The following ITGA11 variants were observed in gnomAD, a reference collection of about 807,000 sequenced individuals.
ITGA11 encodes the protein integrin subunit alpha 11.
In ITGA11, 97 loss-of-function variants were observed where a neutral mutation model predicts 141.9. The ratio of observed to expected loss-of-function variants is 0.68; its 90% confidence interval spans 0.58 to 0.81. ITGA11 has a LOEUF of 0.81. Among genes scored for constraint, ITGA11 ranks in the 30% least tolerant of loss-of-function variants. The pLI is 0.00. For missense variants in ITGA11, 1,387 were observed against 1,559.2 expected (o/e 0.89, Z 1.86); for synonymous variants, 658 against 624.6 (o/e 1.05, Z -0.80).
chr15:68,419,495 G>T (rs185940419), intron 1 of ITGA11, among the ~76,000 whole-genome samples: 14 of 152,290 alleles, frequency 9.2e-5, no homozygotes, highest in Admixed American at 6.5e-4. Context: ...TGAGGCCCAG[G>T]ACCCCTCATG....
rs1474987804 is a variant in ITGA11, at chr15:68,321,705, C to T, written c.2323-202G>A. Among the ~76,000 whole-genome samples the T allele has an allele frequency of 1.3e-5, 2 of 152,158 alleles. No individual in the cohort carries two copies. Among genetic ancestry groups the T allele is most frequent in the Admixed American group, 6.5e-5 (1 of 15,278 alleles). ...ATGCTCAAAGCTCAGCTCCTCCTGG[C>T]TCCCCTCCAGTTCATAACTGAGCTG... On this transcript the variant is annotated intron_variant, in intron 18 of 29. Transcript: ENST00000315757. The surrounding 1 kb of genome is among the most constrained non-coding windows in gnomAD (Gnocchi z 4.9).
At chr15:68,360,770 T>C (rs1420159654) in intron 5 of ITGA11, among the ~76,000 whole-genome samples, 2 of 152,170 alleles carry the variant, frequency 1.3e-5, no homozygotes, top group Non-Finnish European at 2.9e-5. Context: ...TTTGTGTGAA[T>C]AGAATCCATG....
At chr15:68,346,302 CA>C (rs1894740994) in intron 10 of ITGA11, among the ~76,000 whole-genome samples, 1 of 152,152 alleles carries the variant, frequency 6.6e-6, no homozygotes, top group Non-Finnish European at 1.5e-5. Context: ...GTTGATCCTG[CA>C]AGGACTCACC....
rs1218124630 is a variant in ITGA11 at position 68,305,449 on chromosome 15, C to T, written c.3382-1564G>A. Among the ~76,000 whole-genome samples, 1 of 152,182 alleles carries T rather than the reference C, an allele frequency of 6.6e-6. No individual in the cohort carries two copies. Among genetic ancestry groups the T allele is most frequent in the African/African-American group, 2.4e-5 (1 of 41,440 alleles). On this transcript the variant is annotated intron_variant, in intron 28 of 29. Coordinates refer to ENST00000315757, the MANE Select transcript of ITGA11 (RefSeq NM_001004439.2). This position sits in a 1 kb window ranked among gnomAD's most constrained non-coding sequence, Gnocchi z 4.6. ...AGCTGTAGGAGAGTGGGGGCTTTGT[C>T]TGTTTTGTCCCTGCTCTATCCTCAG...
chr15:68,380,596 G>A (rs898468458), intron 2 of ITGA11, among the ~76,000 whole-genome samples: 3 of 152,198 alleles, frequency 2.0e-5, no homozygotes, highest in Non-Finnish European at 2.9e-5. Context: ...TGTCTGGGGA[G>A]CCTTCCTGGA....
chr15:68,365,183 T>A, intron 3 of ITGA11: 1 of 985,404 alleles, frequency 1.0e-6, no homozygotes, highest in Non-Finnish European at 1.2e-6. Flanking sequence ...CCCGCTACGC[T>A]TTCTTCCAAG....
intron 2 of ITGA11, among the ~76,000 whole-genome samples, chr15:68,397,631 A>C (rs1441530788): frequency 8.6e-6 from 1 of 116,116 alleles, no homozygotes; most frequent in Non-Finnish European, 1.6e-5. Context: ...TATTATATTT[A>C]ATATATATTT....
intron 2 of ITGA11, among the ~76,000 whole-genome samples, chr15:68,396,250 CCAATCAAT>C (rs34098259): frequency 2.0e-3 from 299 of 150,458 alleles, no homozygotes; most frequent in African/African-American, 4.7e-3. Flanking sequence ...AAATATCAAT[CCAATCAAT>C]CAATCAATCA....
In ITGA11 at chr15:68,332,430, C is replaced by T. The variant is rs372539285; in HGVS notation, c.1474G>A (p.Asp492Asn). 7.3e-5 allele frequency: 117 copies of T among 1,611,528 alleles called. No homozygotes were observed. Among genetic ancestry groups the T allele is most frequent in the Non-Finnish European group, 3.6e-5 (42 of 1,179,068 alleles). The part of the protein sequence containing the change: ...SEITSVDIDG[D>N]GVTDVLLVGA... ...ACCAGCAGGACATCAGTCACGCCGT[C>T]GCCGTCGATGTCCACCGAGGTGATT... The change falls in exon 13 of 30, where the codon GAC (aspartate) becomes AAC (asparagine). Residue 492 changes from aspartate to asparagine, a missense_variant. Coordinates refer to ENST00000315757, the MANE Select transcript of ITGA11 (RefSeq NM_001004439.2).
At chr15:68,318,307 C>T (rs1893664789) in intron 20 of ITGA11, among the ~76,000 whole-genome samples, 1 of 152,192 alleles carries the variant, frequency 6.6e-6, no homozygotes, top group Non-Finnish European at 1.5e-5. Context: ...AAACTATCTC[C>T]ATGATTCCCT....
chr15:68,384,109 G>A (rs997242922), intron 2 of ITGA11, among the ~76,000 whole-genome samples: 12 of 152,042 alleles, frequency 7.9e-5, no homozygotes, highest in African/African-American at 2.7e-4. Flanking sequence ...CACTAAGGAC[G>A]TTCTATGGCC....
At chr15:68,338,264 G>A (rs376304729) in intron 11 of ITGA11, among the ~76,000 whole-genome samples, 5 of 152,200 alleles carry the variant, frequency 3.3e-5, no homozygotes, top group African/African-American at 9.6e-5. Flanking sequence ...GCCAAGGCAA[G>A]GACTCCAATC....
intron 2 of ITGA11, among the ~76,000 whole-genome samples, chr15:68,370,343 G>T (rs897807323): frequency 1.3e-5 from 2 of 152,196 alleles, no homozygotes; most frequent in Non-Finnish European, 2.9e-5. Flanking sequence ...CTGCGACCCT[G>T]GAGGTGCGGC....
intron 5 of ITGA11, 139 bp downstream of exon 5, chr15:68,361,451 C>T (rs1051129121): frequency 8.0e-6 from 5 of 621,932 alleles, no homozygotes; most frequent in East Asian, 5.8e-5. Flanking sequence ...TGATACATTC[C>T]AGGTCATCCG....
chr15:68,382,329 C>A (rs902506553), intron 2 of ITGA11, among the ~76,000 whole-genome samples: 2 of 152,218 alleles, frequency 1.3e-5, no homozygotes, highest in South Asian at 4.1e-4. Context: ...CATCCCGGAG[C>A]TGGGCCGGGC....
In ITGA11 at chr15:68,369,636, A is replaced by G. The variant is rs1895527052; in HGVS notation, c.165-352T>C. 3.3e-5 allele frequency among the ~76,000 whole-genome samples: 5 copies of G among 152,322 alleles called. No homozygotes were observed. In the South Asian group the frequency reaches 1.0e-3, roughly 32 times the overall value. Reference sequence around the variant, plus strand: ...GGGATGAATATGAGTTTGTCAAATGACGAGAGAGTGGTAATGGAAGTCATT... The same window carrying G: ...GGGATGAATATGAGTTTGTCAAATGGCGAGAGAGTGGTAATGGAAGTCATT... On this transcript the variant is annotated intron_variant, in intron 2 of 29. Transcript: ENST00000315757.
intron 2 of ITGA11, among the ~76,000 whole-genome samples, chr15:68,396,122 C>A (rs1252961697): frequency 6.6e-6 from 1 of 151,726 alleles, no homozygotes; most frequent in Middle Eastern, 3.2e-3. Context: ...TCTCATGAAA[C>A]AAAACAGATA....
At chr15:68,315,214 G>A (rs1197495827) in intron 22 of ITGA11, among the ~76,000 whole-genome samples, 1 of 152,212 alleles carries the variant, frequency 6.6e-6, no homozygotes, top group African/African-American at 2.4e-5. Context: ...TTACTGCTGT[G>A]TGTCCCTGGG....
intron 18 of ITGA11, among the ~76,000 whole-genome samples, chr15:68,323,916 A>T (rs576105883): frequency 2.3e-4 from 35 of 152,268 alleles, no homozygotes; most frequent in Admixed American, 9.8e-4. Context: ...CCTTGCACGG[A>T]GATCGTCGGT....
Sources: gnomAD v4.1 joint callset for allele counts (sites outside exome capture counted in the v4.1 genomes callset) on GRCh38, gnomAD v4.1.1 for gene constraint, Gnocchi (gnomAD v3.1) non-coding constraint, MANE v1.5 for transcripts, NCBI Gene and HGNC (gene_info 2026-07-23, HGNC 2026-07-21) for gene names.